The following VSNL1 variants were observed in gnomAD, a reference collection of about 807,000 sequenced individuals.
VSNL1 encodes visinin-like protein 1.
VSNL1 carries 6 observed loss-of-function variants against 20.4 expected under a neutral mutation model. The ratio of observed to expected loss-of-function variants is 0.29; its 90% confidence interval spans 0.16 to 0.58. The LOEUF (loss-of-function observed/expected upper bound fraction) is 0.58. Among genes scored for constraint, VSNL1 ranks in the 20% least tolerant of loss-of-function variants. The probability of loss-of-function intolerance (pLI) is 0.90; values close to 1 mark genes in which losing one functional copy is unlikely to be tolerated. For synonymous variants in VSNL1, 93 were observed against 86.4 expected, an observed-to-expected ratio of 1.08 and a Z score of -0.42; for missense variants, 100 against 234.5, an observed-to-expected ratio of 0.43 and a Z score of 3.75.
chr2:17,622,446 C>T (rs979737128), intron 2 of VSNL1, among the ~76,000 whole-genome samples: 2 of 145,858 alleles, frequency 1.4e-5, no homozygotes, highest in African/African-American at 5.1e-5. Context: ...CGCAGTGAGC[C>T]AAGATCGCGC....
In VSNL1 at chr2:17,649,676, C is replaced by A. The variant is rs766520926; in HGVS notation, c.378+51C>A. On this transcript the variant is annotated intron_variant, in intron 3 of 3. Transcript: ENST00000295156. The surrounding 1 kb of genome is among the most constrained non-coding windows in gnomAD (Gnocchi z 6.4). Reference sequence around the variant, plus strand: ...GTGGTGGGCACAGAAGGAGACCCCACGGCAGCCTCCTAGGTGCAGGCCTTA... The same window carrying A: ...GTGGTGGGCACAGAAGGAGACCCCAAGGCAGCCTCCTAGGTGCAGGCCTTA... 1 of 1,570,428 alleles carries A rather than the reference C, an allele frequency of 6.4e-7. No individual in the cohort carries two copies. The highest frequency in any genetic ancestry group is 1.1e-5 in the South Asian group (1 of 89,196).
chr2:17,557,680 G>GA lies in VSNL1; in HGVS notation c.-6+16763dup, dbSNP rs1663717967. On this transcript the variant is annotated intron_variant, in intron 1 of 3. Transcript: ENST00000295156. ...TTATTACTGCATTTCTTTTTGAAAA[G>GA]AGGATTATGGGTCTTCCTCCCAGGA... is the stretch of plus-strand genomic sequence containing the variant. Among the ~76,000 whole-genome samples the GA allele has an allele frequency of 4.6e-5, 7 of 152,248 alleles. No individual in the cohort carries two copies. In the South Asian group the frequency reaches 1.5e-3, roughly 32 times the overall value.
intron 3 of VSNL1, among the ~76,000 whole-genome samples, chr2:17,650,080 C>T (rs919894251): frequency 1.3e-5 from 2 of 152,200 alleles, no homozygotes; most frequent in Admixed American, 6.5e-5. Flanking sequence ...TCCTCTGCCA[C>T]GCCACCCACT....
At chr2:17,597,701 T>G (rs898570628) in intron 2 of VSNL1, among the ~76,000 whole-genome samples, 8 of 152,264 alleles carry the variant, frequency 5.3e-5, no homozygotes, top group Admixed American at 2.0e-4. Flanking sequence ...TTCCAGCTTT[T>G]CTAGCTAAGA....
intron 2 of VSNL1, among the ~76,000 whole-genome samples, chr2:17,639,815 C>T (rs938981707): frequency 6.6e-6 from 1 of 152,228 alleles, no homozygotes; most frequent in African/African-American, 2.4e-5. Context: ...CCCAATGCCC[C>T]TAGGCACACT....
intron 2 of VSNL1, among the ~76,000 whole-genome samples, chr2:17,638,050 C>A (rs903087616): frequency 6.6e-5 from 10 of 152,176 alleles, no homozygotes; most frequent in Non-Finnish European, 1.5e-4. Flanking sequence ...CACTAGAATG[C>A]ATGCAGATGT....
intron 2 of VSNL1, among the ~76,000 whole-genome samples, chr2:17,625,897 G>A (rs905581727): frequency 3.6e-5 from 5 of 140,358 alleles, no homozygotes; most frequent in African/African-American, 1.4e-4. Flanking sequence ...CCGCCTTCCC[G>A]GTTCAAGTGA....
Position 17,622,541 on chromosome 2 carries a change from AAAGAAAGAAAG to A in VSNL1, c.163-26866_163-26856del, listed in dbSNP as rs1665394864. ...AAGAAAAGAAAGAAAGAAAAGAAAGAAAGAAAGAAAGAAAGAAAGAAAGAAAGAAAGAAAGA... is the reference window on the plus strand; with the variant it reads ...AAGAAAAGAAAGAAAGAAAAGAAAGAAAAGAAAGAAAGAAAGAAAGAAAGA... On this transcript the variant is annotated intron_variant, in intron 2 of 3. Transcript: ENST00000295156. 3.3e-4 allele frequency among the ~76,000 whole-genome samples: 12 copies of A among 36,224 alleles called. 1 individual carries two copies. The highest frequency in any genetic ancestry group is 5.8e-4 in the Non-Finnish European group (11 of 19,034). 23.8% of individuals were successfully genotyped at this position (36,224 alleles called of 152,430 possible). A position where few individuals can be genotyped will look rare whatever the true frequency, so the allele number is the denominator to read the frequency against.
At chr2:17,563,000 C>G (rs149500628) in intron 1 of VSNL1, among the ~76,000 whole-genome samples, 1 of 152,276 alleles carries the variant, frequency 6.6e-6, no homozygotes, top group Non-Finnish European at 1.5e-5. Flanking sequence ...TGATTGCCAT[C>G]TCTGCCTAAA....
At chr2:17,622,388 C>G (rs1440471652) in intron 2 of VSNL1, among the ~76,000 whole-genome samples, 1 of 151,102 alleles carries the variant, frequency 6.6e-6, no homozygotes, top group Non-Finnish European at 1.5e-5. Flanking sequence ...ATCCCAGCTA[C>G]TTGGGAGGCT....
intron 2 of VSNL1, among the ~76,000 whole-genome samples, chr2:17,635,230 C>G (rs1213580424): frequency 6.6e-6 from 1 of 152,192 alleles, no homozygotes; most frequent in African/African-American, 2.4e-5. Flanking sequence ...AGATGGAACA[C>G]TCAGGGCTCT....
chr2:17,581,216 G>A (rs1484998878), intron 1 of VSNL1, among the ~76,000 whole-genome samples: 1 of 152,012 alleles, frequency 6.6e-6, no homozygotes, highest in African/African-American at 2.4e-5. Context: ...AGCCCTTCTT[G>A]TGTTTTCTCA....
rs1013788059 is a variant in VSNL1 at position 17,606,234 on chromosome 2, A to T, written c.162+13998A>T. 2.0e-5 allele frequency among the ~76,000 whole-genome samples: 3 copies of T among 152,178 alleles called. No homozygotes were observed. The South Asian group carries it at 6.2e-4, about 31-fold the overall frequency. On this transcript the variant is annotated intron_variant, in intron 2 of 3. Transcript: ENST00000295156. ...TGCTTTCCTTTCCTATAGTCTTCAG[A>T]TTTAAAACATTGACATAAACGTCTG...
At chr2:17,565,780 C>T (rs1663923450) in intron 1 of VSNL1, among the ~76,000 whole-genome samples, 1 of 152,174 alleles carries the variant, frequency 6.6e-6, no homozygotes, top group South Asian at 2.1e-4. Flanking sequence ...CCACCCAAAT[C>T]TCATCTTGAA....
chr2:17,609,376 A>T lies in VSNL1; in HGVS notation c.162+17140A>T, dbSNP rs1159269474. Among the ~76,000 whole-genome samples, 5 of 152,334 alleles carry T rather than the reference A, an allele frequency of 3.3e-5. No homozygotes were observed. In the East Asian group the frequency reaches 7.7e-4, roughly 23 times the overall value. On this transcript the variant is annotated intron_variant, in intron 2 of 3. Transcript: ENST00000295156. The stretch of plus-strand genomic sequence containing the variant: ...TCAGGGCAATAGCTAGCCGCAGAGA[A>T]CACTGGAAAAGTAGCCTTCATTTTG...
intron 1 of VSNL1, among the ~76,000 whole-genome samples, chr2:17,544,058 G>A (rs996897679): frequency 2.0e-4 from 30 of 152,134 alleles, no homozygotes; most frequent in African/African-American, 7.2e-4. Flanking sequence ...AAAAAGCTGA[G>A]GCATTAGGAA....
rs1301947491 is a variant in VSNL1, at chr2:17,634,534, G to A, written c.163-14876G>A. Among the ~76,000 whole-genome samples, 2 of 152,156 alleles carry A rather than the reference G, an allele frequency of 1.3e-5. No individual in the cohort carries two copies. Among genetic ancestry groups the A allele is most frequent in the Admixed American group, 1.3e-4 (2 of 15,272 alleles). Reference sequence around the variant, plus strand: ...AATGTGTGACATTTCCCAAGGTGCAGACAATGCCCTGCGATGTGTTTGTTG... The same window carrying A: ...AATGTGTGACATTTCCCAAGGTGCAAACAATGCCCTGCGATGTGTTTGTTG... On this transcript the variant is annotated intron_variant, in intron 2 of 3. Transcript: ENST00000295156. The surrounding 1 kb of genome is among the most constrained non-coding windows in gnomAD (Gnocchi z 4.3).
intron 1 of VSNL1, among the ~76,000 whole-genome samples, chr2:17,557,108 A>G (rs1310004986): frequency 1.3e-5 from 2 of 152,202 alleles, no homozygotes; most frequent in Non-Finnish European, 2.9e-5. Context: ...CTTTACATGC[A>G]TACTACCTCA....
intron 1 of VSNL1, among the ~76,000 whole-genome samples, chr2:17,556,957 A>G (rs1158416761): frequency 1.3e-5 from 2 of 152,202 alleles, no homozygotes; most frequent in Non-Finnish European, 2.9e-5. Flanking sequence ...ATTACACCTT[A>G]GAACATTCAG....
Sources: gnomAD v4.1 joint callset for allele counts (sites outside exome capture counted in the v4.1 genomes callset) on GRCh38, gnomAD v4.1.1 for gene constraint, Gnocchi (gnomAD v3.1) non-coding constraint, MANE v1.5 for transcripts, NCBI Gene and HGNC (gene_info 2026-07-23, HGNC 2026-07-21) for gene names.